LINGO2: variants seen among roughly 807,000 people sequenced by gnomAD.
The protein encoded by LINGO2 is leucine rich repeat and Ig domain containing 2.
Under a neutral mutation model 30.6 loss-of-function variants are expected in LINGO2, and 14 were observed. That is an observed-to-expected ratio of 0.46 (90% CI 0.30 to 0.72). The LOEUF (loss-of-function observed/expected upper bound fraction) is 0.72, where lower values mean the gene tolerates loss of function less well. LINGO2 is among the 30% of genes least tolerant of loss of function. The pLI, the probability that LINGO2 is intolerant of heterozygous loss-of-function variation, is 0.07. For synonymous variants in LINGO2, 317 were observed against 288.5 expected (o/e 1.10, Z -1.00); for missense variants, 729 against 751.7 (o/e 0.97, Z 0.35).
intron 4 of LINGO2, among the ~76,000 whole-genome samples, chr9:28,120,873 G>A (rs2133396100): frequency 6.6e-6 from 1 of 152,228 alleles, no homozygotes; most frequent in South Asian, 2.1e-4. Context: ...GTTCACGACA[G>A]TGTTGCTTTA....
chr9:28,830,882 G>GCGCA, the LINGO2 span, among the ~76,000 whole-genome samples: 2 of 151,312 alleles, frequency 1.3e-5, no homozygotes, highest in South Asian at 4.1e-4. Context: ...TTGCATGCGT[G>GCGCA]CGCACGCACG....
At chr9:28,633,607 C>T (rs538899419) in intron 1 of LINGO2, among the ~76,000 whole-genome samples, 1 of 152,276 alleles carries the variant, frequency 6.6e-6, no homozygotes, top group East Asian at 1.9e-4. Context: ...ACAAAAACCA[C>T]ATTCATTTGA....
the LINGO2 span, among the ~76,000 whole-genome samples, chr9:29,127,289 G>A: frequency 2.6e-5 from 4 of 151,946 alleles, no homozygotes; most frequent in African/African-American, 9.7e-5. Flanking sequence ...CCAATTCTTT[G>A]TTCAAAATAC....
At chr9:28,596,227 G>A (rs911583252) in intron 1 of LINGO2, among the ~76,000 whole-genome samples, 1 of 152,090 alleles carries the variant, frequency 6.6e-6, no homozygotes, top group Admixed American at 6.6e-5. Flanking sequence ...AAAATACTGA[G>A]GTAGAGTTTC....
the LINGO2 span, among the ~76,000 whole-genome samples, chr9:29,070,750 AAAAG>A: frequency 6.6e-6 from 1 of 151,894 alleles, no homozygotes; most frequent in Non-Finnish European, 1.5e-5. Flanking sequence ...TCCAAAAAAA[AAAAG>A]AACCTGAAAA....
At chr9:28,485,026 C>G (rs908314150) in intron 1 of LINGO2, among the ~76,000 whole-genome samples, 1 of 152,084 alleles carries the variant, frequency 6.6e-6, no homozygotes, top group African/African-American at 2.4e-5. Flanking sequence ...GCCTGTGGTT[C>G]TCAGTTTCTC....
intron 4 of LINGO2, among the ~76,000 whole-genome samples, chr9:28,015,114 C>T (rs1016304209): frequency 4.6e-5 from 7 of 152,034 alleles, no homozygotes; most frequent in Non-Finnish European, 1.0e-4. Flanking sequence ...CAAAAGGCAA[C>T]CAAATCGTCC....
chr9:28,533,639 T>C (rs1821319697), intron 1 of LINGO2, among the ~76,000 whole-genome samples: 1 of 152,182 alleles, frequency 6.6e-6, no homozygotes. Context: ...TGAAACTGAC[T>C]GCAGACTATA....
chr9:28,479,911 G>GTATATATATATA (rs58972403), intron 1 of LINGO2, among the ~76,000 whole-genome samples: 19 of 49,756 alleles, frequency 3.8e-4, no homozygotes, highest in Non-Finnish European at 6.5e-4. Flanking sequence ...ATATACGTAG[G>GTATATATATATA]TATATATATA....
intron 4 of LINGO2, among the ~76,000 whole-genome samples, chr9:28,283,473 G>C (rs1204060026): frequency 6.6e-6 from 1 of 152,086 alleles, no homozygotes; most frequent in African/African-American, 2.4e-5. Flanking sequence ...AGAACAAAAA[G>C]TAAATTATAC....
the LINGO2 span, among the ~76,000 whole-genome samples, chr9:28,685,831 T>C: frequency 6.6e-6 from 1 of 152,232 alleles, no homozygotes; most frequent in Non-Finnish European, 1.5e-5. Context: ...ACATACGTAT[T>C]TCCTCACCAT....
the LINGO2 span, among the ~76,000 whole-genome samples, chr9:28,756,938 CA>C: frequency 6.6e-6 from 1 of 150,482 alleles, no homozygotes; most frequent in Non-Finnish European, 1.5e-5. Context: ...TTTCTTATCT[CA>C]AAAAAAAGAA....
At position 28,558,566 on chromosome 9, in the gene LINGO2, G is replaced by A. The variant is rs1168443574; in HGVS notation, c.-364-82541C>T. ...TTTGAAGAACAGGAAAAGCAACACA[G>A]AAGTCTAACTGTTCAAGAGACTCCA... On this transcript the variant is annotated intron_variant, in intron 1 of 5. Coordinates refer to ENST00000379992, the Ensembl canonical transcript of LINGO2. 3.3e-5 allele frequency among the ~76,000 whole-genome samples: 5 copies of A among 152,028 alleles called. No individual in the cohort carries two copies. In the East Asian group the frequency reaches 9.7e-4, roughly 29 times the overall value.
At chr9:28,333,654 T>G (rs1825496344) in intron 3 of LINGO2, among the ~76,000 whole-genome samples, 1 of 152,182 alleles carries the variant, frequency 6.6e-6, no homozygotes, top group Admixed American at 6.5e-5. Context: ...ATTAAAGCTG[T>G]GACGTACTCT....
the LINGO2 span, among the ~76,000 whole-genome samples, chr9:28,872,083 C>A: frequency 3.3e-5 from 5 of 151,858 alleles, no homozygotes; most frequent in Non-Finnish European, 5.9e-5. Context: ...TAATTTTATG[C>A]CTTTACTCAT....
chr9:28,503,628 C>T (rs1819982073), intron 1 of LINGO2, among the ~76,000 whole-genome samples: 1 of 151,704 alleles, frequency 6.6e-6, no homozygotes, highest in Admixed American at 6.6e-5. Flanking sequence ...ACTTAAATGC[C>T]ATATACATGG....
intron 4 of LINGO2, among the ~76,000 whole-genome samples, chr9:28,158,194 T>C (rs1410987781): frequency 6.6e-6 from 1 of 152,194 alleles, no homozygotes; most frequent in African/African-American, 2.4e-5. Context: ...TGGTGGTAGA[T>C]AGGAGAAGAG....
intron 2 of LINGO2, among the ~76,000 whole-genome samples, chr9:28,467,642 T>G (rs1825367752): frequency 6.6e-6 from 1 of 152,202 alleles, no homozygotes; most frequent in East Asian, 1.9e-4. Flanking sequence ...AAGAAGTAAA[T>G]ATTTTTATTA....
chr9:28,418,882 A>T (rs1823076742), intron 2 of LINGO2, among the ~76,000 whole-genome samples: 1 of 152,044 alleles, frequency 6.6e-6, no homozygotes, highest in South Asian at 2.1e-4. Flanking sequence ...TGTCTTTGAA[A>T]ATGTGGAATG....
Sources: gnomAD v4.1 joint callset for allele counts (sites outside exome capture counted in the v4.1 genomes callset) on GRCh38, gnomAD v4.1.1 for gene constraint, MANE v1.5 for transcripts, NCBI Gene and HGNC (gene_info 2026-07-23, HGNC 2026-07-21) for gene names.